Variants in TMUB2 observed in about 807,000 individuals in gnomAD.
The protein encoded by TMUB2 is transmembrane and ubiquitin like domain containing 2, also known as transmembrane and ubiquitin-like domain-containing protein 2.
TMUB2 carries 19 observed loss-of-function variants against 20.2 expected under a neutral mutation model. The observed-to-expected ratio is 0.94, with a 90% CI of 0.66 to 1.38. TMUB2 has a LOEUF of 1.38. TMUB2 is among the 40% of genes most tolerant of loss of function. The pLI is 0.00. For missense variants in TMUB2, 426 were observed against 402.5 expected, an observed-to-expected ratio of 1.06 and a Z score of -0.50; for synonymous variants, 186 against 166.0, an observed-to-expected ratio of 1.12 and a Z score of -0.92.
rs1567766788 is a variant in TMUB2, at chr17:44,191,465, A to G, written c.*601A>G. On this transcript the variant is annotated 3_prime_UTR_variant, in exon 4 of 4. Coordinates refer to ENST00000538716, the MANE Select transcript of TMUB2 (RefSeq NM_001076674.3). ...AAGCACTTTGCTTGCATTTTATTTTATTTTTTTAAGAGTCCTTCATAGAGC... is the reference window on the plus strand; with the variant it reads ...AAGCACTTTGCTTGCATTTTATTTTGTTTTTTTAAGAGTCCTTCATAGAGC... The G allele has an allele frequency of 2.0e-6, 2 of 985,606 alleles. No individual in the cohort carries two copies. The highest frequency in any genetic ancestry group is 6.2e-5 in the Admixed American group (1 of 16,258). The allele number at this position is 985,606 out of a possible 1,614,324, so 61.1% of individuals were successfully genotyped here.
In TMUB2 at chr17:44,187,096, T is replaced by C. The variant is rs1172464822; in HGVS notation, c.-47T>C. 1.3e-5 allele frequency: 2 copies of C among 153,440 alleles called. No homozygotes were observed. The highest frequency in any genetic ancestry group is 2.9e-5 in the Non-Finnish European group (2 of 68,534). The allele number at this position is 153,440 out of a possible 1,614,324, so 9.5% of individuals were successfully genotyped here. The stretch of plus-strand genomic sequence containing the variant: ...GTCCTGGCGAGGTCAAAACATTTAG[T>C]CTGGTCTTTTCAGGTGAGGACTTCC... On this transcript the variant is annotated 5_prime_UTR_variant, in exon 1 of 4. Transcript: ENST00000538716.
At position 44,191,763 on chromosome 17, in the gene TMUB2, C is replaced by T. The variant is rs1437576083; in HGVS notation, c.*899C>T. 2.0e-6 allele frequency: 2 copies of T among 984,922 alleles called. No homozygotes were observed. Among genetic ancestry groups the T allele is most frequent in the African/African-American group, 3.5e-5 (2 of 57,216 alleles). 61.0% of individuals were successfully genotyped at this position (984,922 alleles called of 1,614,324 possible). On this transcript the variant is annotated 3_prime_UTR_variant, in exon 4 of 4. Coordinates refer to ENST00000538716, the MANE Select transcript of TMUB2 (RefSeq NM_001076674.3). Reference sequence around the variant, plus strand: ...TTCTGTGACAGAGAATGGCTTTGCGCTGCCCCCAGGAAAATGGTAATGAGA... The same window carrying T: ...TTCTGTGACAGAGAATGGCTTTGCGTTGCCCCCAGGAAAATGGTAATGAGA...
At chr17:44,188,518 C>A (rs538784053) in intron 2 of TMUB2, among the ~76,000 whole-genome samples, 17 of 152,152 alleles carry the variant, frequency 1.1e-4, no homozygotes, top group Non-Finnish European at 2.1e-4. Context: ...ATGAAATAGG[C>A]TCAAATGAGA....
chr17:44,189,493 C>T lies in TMUB2; in HGVS notation c.507C>T (p.Pro169=), dbSNP rs1325890743. The stretch of plus-strand genomic sequence containing the variant: ...CTGAGGATAGCACCTGCCTCCCTCC[C>T]AGCCCTGGCCTCATCACTGTGCGGC... ...LRSEDSTCLP[P]SPGLITVRLK... The change falls in exon 3 of 4, where the codon CCC becomes CCT. Residue 169 remains proline, a synonymous_variant. Transcript: ENST00000538716. 9 of 1,613,984 alleles carry T rather than the reference C, an allele frequency of 5.6e-6. No homozygotes were observed. Among genetic ancestry groups the T allele is most frequent in the Non-Finnish European group, 7.6e-6 (9 of 1,179,986 alleles).
At position 44,190,943 on chromosome 17, in the gene TMUB2, G is replaced by C. The variant is rs2055479302; in HGVS notation, c.*79G>C. ...TTTTCCTGGCCAGAGCTGGGCCCAA[G>C]GGCCGGGGAGGGAGGGGTGGAAAGG... On this transcript the variant is annotated 3_prime_UTR_variant, in exon 4 of 4. Coordinates refer to ENST00000538716, the MANE Select transcript of TMUB2 (RefSeq NM_001076674.3). The C allele has an allele frequency of 1.8e-5, 27 of 1,518,100 alleles. No homozygotes were observed. The highest frequency in any genetic ancestry group is 2.4e-5 in the Non-Finnish European group (27 of 1,139,116). 94.0% of individuals were successfully genotyped at this position (1,518,100 alleles called of 1,614,324 possible). A position where few individuals can be genotyped will look rare whatever the true frequency, so the allele number is the denominator to read the frequency against.
intron 3 of TMUB2, 111 bp downstream of exon 3, chr17:44,189,699 C>G: frequency 2.9e-6 from 3 of 1,026,220 alleles, no homozygotes; most frequent in Non-Finnish European, 4.1e-6. Context: ...AGATCCAGCC[C>G]CTACCAAGGG....
At position 44,190,971 on chromosome 17, in the gene TMUB2, G is replaced by A; in HGVS notation, c.*107G>A. On this transcript the variant is annotated 3_prime_UTR_variant, in exon 4 of 4. Transcript: ENST00000538716. ...CCGGGGAGGGAGGGGTGGAAAGGAT[G>A]TGATGGAAATCTCCTCCATAGGACA... 6.6e-7 allele frequency: 1 copy of A among 1,506,834 alleles called. No individual in the cohort carries two copies. The allele number at this position is 1,506,834 out of a possible 1,614,324, so 93.3% of individuals were successfully genotyped here.
Position 44,191,520 on chromosome 17 carries a change from C to G in TMUB2, c.*656C>G. ...TCAGGAAGGGGATGGGGCACCAAGC[C>G]AAGCCCCCAGCATTGGGAGCGGCCA... On this transcript the variant is annotated 3_prime_UTR_variant, in exon 4 of 4. Transcript: ENST00000538716. The G allele has an allele frequency of 3.0e-6, 3 of 985,962 alleles. No individual in the cohort carries two copies. The South Asian group carries it at 1.4e-4, about 46-fold the overall frequency. The allele number at this position is 985,962 out of a possible 1,614,324, so 61.1% of individuals were successfully genotyped here.
At chr17:44,188,138 A>G in intron 2 of TMUB2, 1 of 199,068 alleles carries the variant, frequency 5.0e-6, no homozygotes, top group South Asian at 8.5e-5. Flanking sequence ...AGGTACTCCA[A>G]GGAGCAAGCA....
intron 2 of TMUB2, chr17:44,188,784 TGA>T: frequency 1.9e-6 from 1 of 513,524 alleles, no homozygotes; most frequent in Non-Finnish European, 3.2e-6. Context: ...AGTTGGAGTT[TGA>T]GAGAGGAAGG....
At position 44,191,830 on chromosome 17, in the gene TMUB2, A is replaced by G; in HGVS notation, c.*966A>G. ...TACCAACGGGAGATGCAGTTTATTT[A>G]CACCAGCAGCCATGGGGGCAGAGGG... On this transcript the variant is annotated 3_prime_UTR_variant, in exon 4 of 4. Transcript: ENST00000538716. 1.3e-5 allele frequency: 9 copies of G among 717,930 alleles called. No individual in the cohort carries two copies. Among genetic ancestry groups the G allele is most frequent in the Non-Finnish European group, 1.5e-5 (9 of 585,902 alleles). The allele number at this position is 717,930 out of a possible 1,614,324, so 44.5% of individuals were successfully genotyped here. A position where few individuals can be genotyped will look rare whatever the true frequency, so the allele number is the denominator to read the frequency against.
At chr17:44,187,951 G>A (rs1432726105) in intron 2 of TMUB2, 1 of 584,426 alleles carries the variant, frequency 1.7e-6, no homozygotes, top group Non-Finnish European at 3.1e-6. Flanking sequence ...GGACACTTCA[G>A]TACCAAGAGA....
intron 2 of TMUB2, among the ~76,000 whole-genome samples, chr17:44,188,216 G>C (rs907390126): frequency 1.3e-5 from 2 of 152,160 alleles, no homozygotes; most frequent in Non-Finnish European, 2.9e-5. Flanking sequence ...GAGAGACTGA[G>C]ATATGGATTG....
chr17:44,189,055 C>T lies in TMUB2; in HGVS notation c.69C>T (p.Leu23=). 6.2e-7 allele frequency: 1 copy of T among 1,613,876 alleles called. No homozygotes were observed. The highest frequency in any genetic ancestry group is 8.5e-7 in the Non-Finnish European group (1 of 1,179,954). The change falls in exon 3 of 4, where the codon CTC becomes CTT. Residue 23 remains leucine, a synonymous_variant. Coordinates refer to ENST00000538716, the MANE Select transcript of TMUB2 (RefSeq NM_001076674.3). ...CTGCCAGCAGCCAGGCCATGGAGCT[C>T]TCTGATGTCACCCTCATTGAGGGTG... is the stretch of plus-strand genomic sequence containing the variant. The part of the protein sequence containing the change: ...VDPASSQAME[L]SDVTLIEGVG...
intron 3 of TMUB2, 144 bp downstream of exon 3, chr17:44,189,732 T>C (rs1010535976): frequency 3.9e-6 from 3 of 764,826 alleles, no homozygotes; most frequent in Admixed American, 7.0e-5. Context: ...TTCTTAGAAA[T>C]ACACCCTTCA....
chr17:44,188,721 T>TAGC lies in TMUB2; in HGVS notation c.36-290_36-288dup, dbSNP rs1310666283. On this transcript the variant is annotated intron_variant, in intron 2 of 3. Transcript: ENST00000538716. ...TCATTCACCAAAAAAGCAACAACAG[T>TAGC]AGCAGCAGCAGCAAGGCTGTGGGCT... 2.6e-5 allele frequency: 8 copies of TAGC among 304,004 alleles called. No homozygotes were observed. In the East Asian group the frequency reaches 3.5e-4, roughly 13 times the overall value. The allele number at this position is 304,004 out of a possible 1,614,324, so 18.8% of individuals were successfully genotyped here.
chr17:44,187,967 A>C, intron 2 of TMUB2: 1 of 561,314 alleles, frequency 1.8e-6, no homozygotes, highest in Non-Finnish European at 3.2e-6. Context: ...AGAGAAATAC[A>C]TACGATCCTT....
rs1001002248 is a variant in TMUB2 at position 44,187,043 on chromosome 17, C to T, written c.-100C>T. 1 of 152,696 alleles carries T rather than the reference C, an allele frequency of 6.5e-6. No individual in the cohort carries two copies. The highest frequency in any genetic ancestry group is 1.5e-5 in the Non-Finnish European group (1 of 68,210). 9.5% of individuals were successfully genotyped at this position (152,696 alleles called of 1,614,324 possible). A position where few individuals can be genotyped will look rare whatever the true frequency, so the allele number is the denominator to read the frequency against. ...CGCAGATTGCCAGCCCTTTTCCCGA[C>T]CCCTACGGAAAGACGAGTCCAGGGG... On this transcript the variant is annotated 5_prime_UTR_variant, in exon 1 of 4. Coordinates refer to ENST00000538716, the MANE Select transcript of TMUB2 (RefSeq NM_001076674.3).
At position 44,187,732 on chromosome 17, in the gene TMUB2, C is replaced by T; in HGVS notation, c.24C>T (p.Asn8=). MISRHLQ[N]NLMSVDPASS... ...CGATGATTTCACGTCATCTTCAAAA[C>T]AACCTCATGAGGTAGGTACTGTTTT... The change falls in exon 2 of 4, where the codon AAC becomes AAT. Residue 8 remains asparagine, a synonymous_variant. Coordinates refer to ENST00000538716, the MANE Select transcript of TMUB2 (RefSeq NM_001076674.3). The T allele has an allele frequency of 1.4e-6, 1 of 718,618 alleles. No homozygotes were observed. Among genetic ancestry groups the T allele is most frequent in the African/African-American group, 1.7e-5 (1 of 57,386 alleles). 44.5% of individuals were successfully genotyped at this position (718,618 alleles called of 1,614,324 possible).
Sources: gnomAD v4.1 joint callset for allele counts (sites outside exome capture counted in the v4.1 genomes callset) on GRCh38, gnomAD v4.1.1 for gene constraint, MANE v1.5 for transcripts, NCBI Gene and HGNC (gene_info 2026-07-23, HGNC 2026-07-21) for gene names.